The following EXOC6B variants were observed in gnomAD, a reference collection of about 807,000 sequenced individuals.
EXOC6B encodes exocyst complex component 6B.
A neutral mutation model predicts 113.5 loss-of-function variants in EXOC6B; 54 were observed. The ratio of observed to expected loss-of-function variants is 0.48; its 90% CI spans 0.38 to 0.60. The LOEUF (loss-of-function observed/expected upper bound fraction) is 0.60, where lower values mean the gene tolerates loss of function less well. EXOC6B is among the 20% of genes least tolerant of loss of function. The pLI, the probability that EXOC6B is intolerant of heterozygous loss-of-function variation, is 0.00. For synonymous variants in EXOC6B, 357 were observed against 339.0 expected, an observed-to-expected ratio of 1.05 and a Z score of -0.58; for missense variants, 797 against 977.5, an observed-to-expected ratio of 0.82 and a Z score of 2.46.
chr2:72,371,615 G>A (rs1691023543), intron 19 of EXOC6B, among the ~76,000 whole-genome samples: 1 of 152,094 alleles, frequency 6.6e-6, no homozygotes, highest in Non-Finnish European at 1.5e-5. Flanking sequence ...ATGCTGAAAA[G>A]CATCTGATAA....
At chr2:72,673,351 G>T (rs114625036) in intron 6 of EXOC6B, among the ~76,000 whole-genome samples, 1 of 152,158 alleles carries the variant, frequency 6.6e-6, no homozygotes, top group Non-Finnish European at 1.5e-5. Flanking sequence ...GGCTATGATT[G>T]ACAATAACCT....
intron 20 of EXOC6B, among the ~76,000 whole-genome samples, chr2:72,214,044 C>A (rs1490107847): frequency 6.6e-6 from 1 of 152,142 alleles, no homozygotes; most frequent in African/African-American, 2.4e-5. Flanking sequence ...TCCACTGATG[C>A]TGTTCTGCCC....
At chr2:72,229,309 C>G (rs1304143154) in intron 20 of EXOC6B, among the ~76,000 whole-genome samples, 1 of 152,076 alleles carries the variant, frequency 6.6e-6, no homozygotes, top group South Asian at 2.1e-4. Flanking sequence ...AGATCTAACT[C>G]CAACAGTGAT....
intron 1 of EXOC6B, among the ~76,000 whole-genome samples, chr2:72,819,197 AAAGC>A (rs1438713830): frequency 6.6e-6 from 1 of 152,218 alleles, no homozygotes; most frequent in Non-Finnish European, 1.5e-5. Context: ...GTTAACTGAA[AAAGC>A]AAGACACATA....
rs546151948 is a variant in EXOC6B, at chr2:72,298,467, G to A, written c.2196+36480C>T. Among the ~76,000 whole-genome samples the A allele has an allele frequency of 4.0e-4, 61 of 152,076 alleles. 1 individual carries two copies. Among genetic ancestry groups the A allele is most frequent in the African/African-American group, 1.3e-3 (55 of 41,474 alleles). ...TTGCCAGTCTGTGTCTTTTAATTGG[G>A]GCATTTAGCCCATTTACATTTAAGG... is the stretch of plus-strand genomic sequence containing the variant. On this transcript the variant is annotated intron_variant, in intron 20 of 21. Transcript: ENST00000272427.
At chr2:72,400,706 T>A (rs1553397496) in intron 18 of EXOC6B, among the ~76,000 whole-genome samples, 1 of 148,746 alleles carries the variant, frequency 6.7e-6, no homozygotes, top group Non-Finnish European at 1.5e-5. Context: ...ACATCACTAA[T>A]TATCAGAGAA....
chr2:72,365,951 A>T (rs1349948576), intron 19 of EXOC6B, among the ~76,000 whole-genome samples: 1 of 152,192 alleles, frequency 6.6e-6, no homozygotes, highest in Non-Finnish European at 1.5e-5. Flanking sequence ...GTCTTGAATG[A>T]ATCCAATTGC....
intron 6 of EXOC6B, among the ~76,000 whole-genome samples, 193 bp downstream of exon 6, chr2:72,717,910 G>C (rs1313697318): frequency 6.6e-6 from 1 of 152,152 alleles, no homozygotes; most frequent in Non-Finnish European, 1.5e-5. Flanking sequence ...AACATCTACA[G>C]AGCAAATTGT....
chr2:72,730,395 G>T (rs987288893), intron 5 of EXOC6B, among the ~76,000 whole-genome samples: 6 of 152,168 alleles, frequency 3.9e-5, no homozygotes, highest in Admixed American at 2.6e-4. Flanking sequence ...AAGGCTGACT[G>T]TGCCCAAGGA....
intron 6 of EXOC6B, among the ~76,000 whole-genome samples, chr2:72,672,739 G>A (rs1675992032): frequency 6.6e-6 from 1 of 152,134 alleles, no homozygotes; most frequent in African/African-American, 2.4e-5. Context: ...TCACTCATAT[G>A]TGAGAGCTTG....
intron 6 of EXOC6B, 116 bp downstream of exon 6, chr2:72,717,987 C>T (rs1679735893): frequency 1.4e-6 from 1 of 737,092 alleles, no homozygotes; most frequent in Non-Finnish European, 2.1e-6. Context: ...AAGGACTTCC[C>T]TAAAATGATA....
At chr2:72,558,948 T>C (rs192741310) in intron 8 of EXOC6B, among the ~76,000 whole-genome samples, 6 of 152,296 alleles carry the variant, frequency 3.9e-5, no homozygotes, top group Non-Finnish European at 7.3e-5. Context: ...GTTTAATTTT[T>C]GACTTACTTT....
At chr2:72,222,780 T>C (rs1680957869) in intron 20 of EXOC6B, among the ~76,000 whole-genome samples, 1 of 152,156 alleles carries the variant, frequency 6.6e-6, no homozygotes, top group African/African-American at 2.4e-5. Flanking sequence ...ATCACCAGCA[T>C]TTCAAATAAC....
intron 1 of EXOC6B, among the ~76,000 whole-genome samples, chr2:72,797,536 G>A (rs527980994): frequency 2.0e-5 from 3 of 152,162 alleles, no homozygotes; most frequent in South Asian, 2.1e-4. Context: ...ATATGTGGCC[G>A]GGTGCAATGG....
intron 1 of EXOC6B, among the ~76,000 whole-genome samples, chr2:72,770,763 C>T (rs1683366178): frequency 1.3e-5 from 2 of 151,956 alleles, no homozygotes; most frequent in African/African-American, 4.8e-5. Context: ...GAAGAGTACA[C>T]AAGTTAAGTT....
intron 6 of EXOC6B, among the ~76,000 whole-genome samples, chr2:72,687,996 T>TTACCAGCC (rs1677208969): frequency 6.6e-6 from 1 of 151,996 alleles, no homozygotes; most frequent in South Asian, 2.1e-4. Flanking sequence ...TGGGGTAATT[T>TTACCAGCC]TACCAGCCCC....
rs527880008 is a variant in EXOC6B at position 72,479,982 on chromosome 2, C to T, written c.1800+634G>A. Among the ~76,000 whole-genome samples the T allele has an allele frequency of 1.3e-4, 20 of 152,182 alleles. No homozygotes were observed. The East Asian group carries it at 3.9e-3, about 29-fold the overall frequency. On this transcript the variant is annotated intron_variant, in intron 17 of 21. Transcript: ENST00000272427. ...TTTTGAGAAGCCAAGGTGGGTGGAT[C>T]GCTTGAACCCAGGAATTCGAGACCA...
chr2:72,210,826 G>C (rs564328581), intron 20 of EXOC6B, among the ~76,000 whole-genome samples: 9 of 152,320 alleles, frequency 5.9e-5, no homozygotes, highest in Admixed American at 3.9e-4. Context: ...TGTTTCCTCA[G>C]CAAAGCACAC....
chr2:72,794,856 T>C (rs372437888), intron 1 of EXOC6B, among the ~76,000 whole-genome samples: 14 of 152,264 alleles, frequency 9.2e-5, no homozygotes, highest in African/African-American at 2.6e-4. Flanking sequence ...AGATGCCATC[T>C]CACCCCCTTG....
Sources: allele counts gnomAD v4.1 joint callset (sites outside exome capture counted in the v4.1 genomes callset), GRCh38; gene constraint gnomAD v4.1.1; transcripts MANE v1.5; gene names NCBI Gene and HGNC (gene_info 2026-07-23, HGNC 2026-07-21).